Variants in SH3BGRL2 observed in about 807,000 individuals in gnomAD.
SH3BGRL2 encodes the protein SH3 domain-binding glutamic acid-rich-like protein 2.
In SH3BGRL2, 21 loss-of-function variants were observed where a neutral mutation model predicts 14.8. That is an observed-to-expected ratio of 1.42 (90% CI 1.01 to 2.05). The LOEUF (loss-of-function observed/expected upper bound fraction) is 2.05, where lower values mean the gene tolerates loss of function less well. SH3BGRL2 is among the 30% of genes most tolerant of loss of function. SH3BGRL2 has a pLI of 0.00. For synonymous variants in SH3BGRL2, 50 were observed against 47.8 expected, an observed-to-expected ratio of 1.05 and a Z score of -0.19; for missense variants, 147 against 130.8, an observed-to-expected ratio of 1.12 and a Z score of -0.61.
intron 1 of SH3BGRL2, among the ~76,000 whole-genome samples, chr6:79,636,461 A>G (rs1284031635): frequency 6.6e-6 from 1 of 152,158 alleles, no homozygotes; most frequent in Non-Finnish European, 1.5e-5. Context: ...GGAGCATACA[A>G]GTGATCAGAA....
intron 1 of SH3BGRL2, among the ~76,000 whole-genome samples, chr6:79,662,543 A>G (rs2473827): frequency 0.67 from 101,092 of 152,014 alleles, 34,062 homozygotes; most frequent in South Asian, 0.78. Flanking sequence ...TTCCCTTTGC[A>G]GGTAACCCGA....
At chr6:79,616,154 T>A in the SH3BGRL2 span, among the ~76,000 whole-genome samples, 1 of 152,214 alleles carries the variant, frequency 6.6e-6, no homozygotes, top group Non-Finnish European at 1.5e-5. Context: ...TATTTTGTAA[T>A]AATGTGGGCT....
At chr6:79,618,543 T>G in the SH3BGRL2 span, among the ~76,000 whole-genome samples, 1 of 152,000 alleles carries the variant, frequency 6.6e-6, no homozygotes, top group East Asian at 1.9e-4. Flanking sequence ...CCATCTCTAC[T>G]AAAACTACAA....
the SH3BGRL2 span, among the ~76,000 whole-genome samples, chr6:79,572,950 C>T: frequency 6.6e-6 from 1 of 152,106 alleles, no homozygotes; most frequent in Non-Finnish European, 1.5e-5. Flanking sequence ...GGTTTGTCTT[C>T]TCTCACTTTT....
the SH3BGRL2 span, among the ~76,000 whole-genome samples, chr6:79,585,247 G>T: frequency 1.2e-4 from 18 of 151,830 alleles, no homozygotes; most frequent in African/African-American, 3.6e-4. Context: ...CAAGCCTATA[G>T]CCTTCTTTCT....
intron 1 of SH3BGRL2, among the ~76,000 whole-genome samples, chr6:79,667,485 C>T (rs893615243): frequency 4.0e-5 from 6 of 150,858 alleles, no homozygotes; most frequent in Admixed American, 2.6e-4. Flanking sequence ...CTCACTCTGT[C>T]GCCCAGGCTG....
chr6:79,658,843 G>T (rs9341785), intron 1 of SH3BGRL2, among the ~76,000 whole-genome samples: 1 of 152,102 alleles, frequency 6.6e-6, no homozygotes, highest in Non-Finnish European at 1.5e-5. Flanking sequence ...TCTAACTGGC[G>T]TGAGATGGTA....
chr6:79,612,051 A>T, the SH3BGRL2 span, among the ~76,000 whole-genome samples: 2 of 152,160 alleles, frequency 1.3e-5, no homozygotes, highest in Admixed American at 6.5e-5. Context: ...TAATCTCAGC[A>T]CTTTGAGAGG....
chr6:79,671,735 A>AT (rs1769777722), intron 1 of SH3BGRL2, among the ~76,000 whole-genome samples: 1 of 152,212 alleles, frequency 6.6e-6, no homozygotes, highest in Non-Finnish European at 1.5e-5. Flanking sequence ...GGCCCCGCCC[A>AT]GTAGGCTGAT....
chr6:79,667,157 T>G lies in SH3BGRL2; in HGVS notation c.46-6457T>G, dbSNP rs553142972. On this transcript the variant is annotated intron_variant, in intron 1 of 3. Transcript: ENST00000369838. ...GGGCAGCCCCCTGAACCAGCATAGG[T>G]TCAGAAGGACTCTGACACTGCTTCA... 1.8e-3 allele frequency among the ~76,000 whole-genome samples: 274 copies of G among 152,306 alleles called. 1 individual carries two copies. Among genetic ancestry groups the G allele is most frequent in the African/African-American group, 6.2e-3 (258 of 41,570 alleles).
At chr6:79,595,098 G>C in the SH3BGRL2 span, among the ~76,000 whole-genome samples, 2 of 152,234 alleles carry the variant, frequency 1.3e-5, no homozygotes, top group South Asian at 4.1e-4. Flanking sequence ...CCAGCCTGAT[G>C]AACAGGGAGA....
chr6:79,703,391 T>A lies in SH3BGRL2; in HGVS notation c.*3882T>A, dbSNP rs538135384. The A allele has an allele frequency of 6.6e-6, 1 of 152,326 alleles. No homozygotes were observed. The highest frequency in any genetic ancestry group is 2.4e-5 in the African/African-American group (1 of 41,574). 9.4% of individuals were successfully genotyped at this position (152,326 alleles called of 1,614,324 possible). ...AAAAAATTTCATACATGCAATGGAA[T>A]ATAGATATGTATATACACATATAAT... On this transcript the variant is annotated 3_prime_UTR_variant, in exon 4 of 4. Transcript: ENST00000369838.
chr6:79,606,522 T>G, the SH3BGRL2 span, among the ~76,000 whole-genome samples: 1 of 152,184 alleles, frequency 6.6e-6, no homozygotes. Flanking sequence ...TGTTGGGCCC[T>G]TGGTGCCTGG....
intron 1 of SH3BGRL2, among the ~76,000 whole-genome samples, chr6:79,647,541 C>G (rs1253185857): frequency 6.6e-6 from 1 of 152,052 alleles, no homozygotes; most frequent in Non-Finnish European, 1.5e-5. Context: ...TCCTTCCCCC[C>G]AAACAACTCT....
chr6:79,635,641 T>C (rs1768907700), intron 1 of SH3BGRL2, among the ~76,000 whole-genome samples: 1 of 152,238 alleles, frequency 6.6e-6, no homozygotes, highest in South Asian at 2.1e-4. Flanking sequence ...GGGAGATGTT[T>C]CCATGGGGCA....
the SH3BGRL2 span, among the ~76,000 whole-genome samples, chr6:79,573,596 T>G: frequency 6.6e-6 from 1 of 152,178 alleles, no homozygotes; most frequent in Non-Finnish European, 1.5e-5. Flanking sequence ...ATTGATATCT[T>G]TATGTTCCGA....
the SH3BGRL2 span, among the ~76,000 whole-genome samples, chr6:79,583,005 C>T: frequency 6.6e-6 from 1 of 152,172 alleles, no homozygotes; most frequent in African/African-American, 2.4e-5. Context: ...AAGAAGACAT[C>T]TATGCAGCCA....
chr6:79,590,446 T>G, the SH3BGRL2 span, among the ~76,000 whole-genome samples: 1 of 133,846 alleles, frequency 7.5e-6, no homozygotes, highest in East Asian at 2.4e-4. Context: ...TATATATATA[T>G]ATATATATAT....
the SH3BGRL2 span, among the ~76,000 whole-genome samples, chr6:79,582,103 G>T: frequency 6.6e-6 from 1 of 152,092 alleles, no homozygotes; most frequent in African/African-American, 2.4e-5. Context: ...TCTTCAAGGA[G>T]AACTACAAAC....
Sources: gnomAD v4.1 joint callset for allele counts (sites outside exome capture counted in the v4.1 genomes callset) on GRCh38, gnomAD v4.1.1 for gene constraint, MANE v1.5 for transcripts, NCBI Gene and HGNC (gene_info 2026-07-23, HGNC 2026-07-21) for gene names.